The following EMILIN2 variants were observed in gnomAD, a reference collection of about 807,000 sequenced individuals.
The protein encoded by EMILIN2 is elastin microfibril interfacer 2, also known as EMILIN-2.
In EMILIN2, 71 loss-of-function variants were observed where a neutral mutation model predicts 87.1. The ratio of observed to expected loss-of-function variants is 0.82; its 90% confidence interval spans 0.67 to 0.99. EMILIN2 has a LOEUF of 0.99. EMILIN2 is among the 50% of genes least tolerant of loss of function. The probability of loss-of-function intolerance (pLI) is 0.00; values close to 1 mark genes in which losing one functional copy is unlikely to be tolerated. For missense variants in EMILIN2, 1,407 were observed against 1,371.8 expected, an observed-to-expected ratio of 1.03 and a Z score of -0.40; for synonymous variants, 581 against 563.4, an observed-to-expected ratio of 1.03 and a Z score of -0.44.
chr18:2,909,937 TG>T, intron 7 of EMILIN2, 118 bp downstream of exon 7: 2 of 1,389,326 alleles, frequency 1.4e-6, no homozygotes, highest in Non-Finnish European at 2.0e-6. Flanking sequence ...GACGCCACCC[TG>T]GAGCAGATGC....
chr18:2,867,316 C>T (rs1555666167), intron 2 of EMILIN2, among the ~76,000 whole-genome samples: 21 of 151,604 alleles, frequency 1.4e-4, no homozygotes, highest in Non-Finnish European at 1.5e-5. Context: ...TTTTTTAAGA[C>T]AATAGTAGTT....
chr18:2,891,850 G>A lies in EMILIN2; in HGVS notation c.1723G>A (p.Ala575Thr), dbSNP rs144174650. 3.7e-5 allele frequency: 59 copies of A among 1,614,138 alleles called. No homozygotes were observed. The highest frequency in any genetic ancestry group is 2.9e-4 in the African/African-American group (22 of 74,948). The stretch of plus-strand genomic sequence containing the variant: ...TGCCTTGCCAAACAGGGAAGACCGC[G>A]CAGTACGCGACAGCCTGCACCTTTT... ...EGALPNREDRAVRDSLHLLKS... is the reference protein window; with the variant it reads ...EGALPNREDRTVRDSLHLLKS... The change falls in exon 4 of 8, where the codon GCA becomes ACA. Residue 575 changes from alanine to threonine, a missense_variant. Transcript: ENST00000254528. This position sits in a 1 kb window ranked among gnomAD's most constrained non-coding sequence, Gnocchi z 4.6.
chr18:2,881,224 C>T (rs942666152), intron 2 of EMILIN2, among the ~76,000 whole-genome samples: 6 of 152,184 alleles, frequency 3.9e-5, no homozygotes, highest in African/African-American at 1.2e-4. Context: ...ATGCGACATC[C>T]CTAGGGAGCT....
rs540718878 is a variant in EMILIN2 at position 2,872,009 on chromosome 18, A to C, written c.258-12955A>C. On this transcript the variant is annotated intron_variant, in intron 2 of 7. Coordinates refer to ENST00000254528, the MANE Select transcript of EMILIN2 (RefSeq NM_032048.3). ...GATATTTGAGGTAACTGAGGATTAG[A>C]GCAGGGTTGGGTCTTGTCTGATGTA... Among the ~76,000 whole-genome samples, 18 of 152,368 alleles carry C rather than the reference A, an allele frequency of 1.2e-4. 1 individual carries two copies. In the East Asian group the frequency reaches 3.5e-3, roughly 29 times the overall value.
intron 6 of EMILIN2, among the ~76,000 whole-genome samples, chr18:2,909,351 C>A (rs2076929922): frequency 2.0e-5 from 3 of 152,210 alleles, no homozygotes; most frequent in Admixed American, 2.0e-4. Context: ...GATGATGCAC[C>A]CACTGCCTGG....
At chr18:2,883,227 G>GATGTCAAAGGTCCCCCAC (rs57469307) in intron 2 of EMILIN2, among the ~76,000 whole-genome samples, 1 of 151,430 alleles carries the variant, frequency 6.6e-6, no homozygotes, top group African/African-American at 2.4e-5. Context: ...CCTCGGGGAG[G>GATGTCAAAGGTCCCCCAC]ATGTCAAAGG....
Position 2,906,865 on chromosome 18 carries a change from C to T in EMILIN2, c.2442C>T (p.Pro814=), listed in dbSNP as rs2076915762. 3 of 1,370,984 alleles carry T rather than the reference C, an allele frequency of 2.2e-6. No individual in the cohort carries two copies. Among genetic ancestry groups the T allele is most frequent in the Non-Finnish European group, 2.8e-6 (3 of 1,061,556 alleles). The allele number at this position is 1,370,984 out of a possible 1,614,324, so 84.9% of individuals were successfully genotyped here. A position where few individuals can be genotyped will look rare whatever the true frequency, so the allele number is the denominator to read the frequency against. The part of the protein sequence containing the change: ...PEPAPPRPSG[P]ATAEDPGRRP... ...CCGCCCCGCCGAGGCCCAGCGGCCCCGCAACCGCAGAGGACCCTGGGCGAC... is the reference window on the plus strand; with the variant it reads ...CCGCCCCGCCGAGGCCCAGCGGCCCTGCAACCGCAGAGGACCCTGGGCGAC... The change falls in exon 5 of 8, where the codon CCC becomes CCT. Residue 814 remains proline (P), a synonymous_variant. Coordinates refer to ENST00000254528, the MANE Select transcript of EMILIN2 (RefSeq NM_032048.3).
upstream of EMILIN2, chr18:2,846,989 A>G: frequency 2.0e-6 from 2 of 1,015,424 alleles, no homozygotes; most frequent in Non-Finnish European, 2.4e-6. The surrounding 1 kb of genome is among the most constrained non-coding windows in gnomAD (Gnocchi z 5.3). Flanking sequence ...GGAGAAGCGC[A>G]GGGCGCACGG....
At chr18:2,881,381 C>T (rs1042257315) in intron 2 of EMILIN2, among the ~76,000 whole-genome samples, 1 of 152,082 alleles carries the variant, frequency 6.6e-6, no homozygotes, top group South Asian at 2.1e-4. Flanking sequence ...GCAGATTAGA[C>T]GCGGAGCAGG....
In EMILIN2 at chr18:2,913,159, T is replaced by G. The variant is rs773850785; in HGVS notation, c.2917T>G (p.Ser973Ala). The G allele has an allele frequency of 5.3e-5, 85 of 1,613,464 alleles. No individual in the cohort carries two copies. The highest frequency in any genetic ancestry group is 6.0e-5 in the Non-Finnish European group (71 of 1,179,976). Residue 973 changes from serine to alanine, a missense_variant, in exon 8 of 8, where the codon TCC (serine) becomes GCC (alanine). Ser to Ala is a moderately conservative substitution (Grantham distance 99, BLOSUM62 1). Coordinates refer to ENST00000254528, the MANE Select transcript of EMILIN2 (RefSeq NM_032048.3). The stretch of plus-strand genomic sequence containing the variant: ...CTACGTGGAAGCAGTGCTGTCGGTC[T>G]CCAACGCCAGCGTGGCCCAGCTGCA... ...DAYVEAVLSV[S>A]NASVAQLHTA... is the part of the protein sequence containing the mutation.
chr18:2,882,780 G>A (rs758000214), intron 2 of EMILIN2, among the ~76,000 whole-genome samples: 11 of 152,068 alleles, frequency 7.2e-5, no homozygotes, highest in Non-Finnish European at 1.6e-4. Flanking sequence ...CTACTTGGGA[G>A]GCTGAGGCAG....
At chr18:2,854,964 CA>C (rs1202725781) in intron 2 of EMILIN2, among the ~76,000 whole-genome samples, 1 of 152,164 alleles carries the variant, frequency 6.6e-6, no homozygotes, top group African/African-American at 2.4e-5. Context: ...TTCTTTCCTT[CA>C]GCTTTTAAAC....
chr18:2,908,006 G>A (rs551284308), intron 5 of EMILIN2, among the ~76,000 whole-genome samples: 10 of 152,178 alleles, frequency 6.6e-5, no homozygotes, highest in East Asian at 1.9e-4. Context: ...TGATGCCCAC[G>A]GCTGTCTGGA....
chr18:2,879,674 AC>A (rs918176625), intron 2 of EMILIN2, among the ~76,000 whole-genome samples: 34 of 145,880 alleles, frequency 2.3e-4, no homozygotes, highest in Admixed American at 3.4e-4. Flanking sequence ...TGCCCCCAAC[AC>A]CCCCCCCAAA....
At chr18:2,869,046 C>A (rs774209099) in intron 2 of EMILIN2, among the ~76,000 whole-genome samples, 2 of 151,094 alleles carry the variant, frequency 1.3e-5, no homozygotes, top group African/African-American at 4.9e-5. Flanking sequence ...GACCTGAGTT[C>A]TCTATAGGCA....
intron 7 of EMILIN2, 42 bp from the exon 8 acceptor site, chr18:2,913,025 G>C: frequency 6.3e-7 from 1 of 1,595,488 alleles, no homozygotes; most frequent in Non-Finnish European, 8.5e-7. Context: ...CAAGGGCTGT[G>C]ACGACAGCAG....
chr18:2,879,433 C>A (rs143479913), intron 2 of EMILIN2, among the ~76,000 whole-genome samples: 1 of 152,058 alleles, frequency 6.6e-6, no homozygotes, highest in Admixed American at 6.5e-5. Context: ...CCAAGGCGGG[C>A]GGATCACCTG....
chr18:2,889,133 C>CTTTTCTTTTTTTTTTTTTTTT (rs2076819032), intron 3 of EMILIN2, among the ~76,000 whole-genome samples: 1 of 84,356 alleles, frequency 1.2e-5, no homozygotes, highest in African/African-American at 4.9e-5. Flanking sequence ...TCTTTCTTTT[C>CTTTTCTTTTTTTTTTTTTTTT]TTTTTTTTTT....
In EMILIN2 at chr18:2,891,790, C is replaced by T; in HGVS notation, c.1663C>T (p.Leu555=). Residue 555 remains leucine, a synonymous_variant, in exon 4 of 8, where the codon CTG becomes TTG. Transcript: ENST00000254528. This position sits in a 1 kb window ranked among gnomAD's most constrained non-coding sequence, Gnocchi z 4.6. ...TCAAGTTGTTGAAGACATTTGCCTG[C>T]TGAACATCCAGGGAAAGCCTCATGG... ...KVQVVEDICL[L]NIQGKPHGME... is the part of the protein sequence containing the mutation. The T allele has an allele frequency of 1.2e-6, 2 of 1,614,204 alleles. No individual in the cohort carries two copies. The highest frequency in any genetic ancestry group is 1.7e-6 in the Non-Finnish European group (2 of 1,180,036).
Sources: allele counts gnomAD v4.1 joint callset (sites outside exome capture counted in the v4.1 genomes callset), GRCh38; gene constraint gnomAD v4.1.1; non-coding constraint Gnocchi (gnomAD v3.1); transcripts MANE v1.5; gene names NCBI Gene and HGNC (gene_info 2026-07-23, HGNC 2026-07-21).